KCNIP1: variants seen among roughly 807,000 people sequenced by gnomAD.
KCNIP1 encodes A-type potassium channel modulatory protein KCNIP1.
Under a neutral mutation model 33.0 loss-of-function variants are expected in KCNIP1, and 18 were observed. The ratio of observed to expected loss-of-function variants is 0.55; its 90% CI spans 0.38 to 0.81. The LOEUF (loss-of-function observed/expected upper bound fraction) is 0.81. Ranked by LOEUF, KCNIP1 falls within the 30% of genes least tolerant of loss-of-function variation. The pLI is 0.00. For synonymous variants in KCNIP1, 93 were observed against 98.3 expected (o/e 0.95, Z 0.32); for missense variants, 238 against 271.6 (o/e 0.88, Z 0.87).
chr5:170,551,417 G>A (rs548208945), intron 1 of KCNIP1, among the ~76,000 whole-genome samples: 7 of 152,318 alleles, frequency 4.6e-5, no homozygotes, highest in African/African-American at 1.4e-4. Context: ...GGCAACTGTT[G>A]CAAACGTGCA....
At chr5:170,371,961 C>A (rs1237727445) in intron 1 of KCNIP1, among the ~76,000 whole-genome samples, 1 of 152,164 alleles carries the variant, frequency 6.6e-6, no homozygotes, top group Non-Finnish European at 1.5e-5. Context: ...AACTGGGTGT[C>A]CTACAATTTA....
intron 1 of KCNIP1, among the ~76,000 whole-genome samples, chr5:170,650,469 G>T (rs1339179759): frequency 6.6e-6 from 1 of 152,082 alleles, no homozygotes; most frequent in African/African-American, 2.4e-5. Context: ...GCATTATTCT[G>T]GGACTCATTC....
chr5:170,574,260 G>A (rs1181361721), intron 1 of KCNIP1, among the ~76,000 whole-genome samples: 1 of 152,216 alleles, frequency 6.6e-6, no homozygotes, highest in African/African-American at 2.4e-5. Context: ...AATGAGTTAA[G>A]TTCCTTGGGC....
At chr5:170,644,759 T>C (rs183030055) in intron 1 of KCNIP1, among the ~76,000 whole-genome samples, 114 of 152,336 alleles carry the variant, frequency 7.5e-4, no homozygotes, top group Middle Eastern at 6.8e-3. Flanking sequence ...GGCATTTGAC[T>C]TCAAGTCACA....
At chr5:170,681,020 G>C (rs1456071075) in intron 1 of KCNIP1, 1 of 399,270 alleles carries the variant, frequency 2.5e-6, no homozygotes, top group East Asian at 3.6e-5. Flanking sequence ...TGGTTTTCTG[G>C]CTTTGAATGA....
chr5:170,635,950 T>C (rs1376975172), intron 1 of KCNIP1, among the ~76,000 whole-genome samples: 1 of 152,136 alleles, frequency 6.6e-6, no homozygotes, highest in Non-Finnish European at 1.5e-5. Flanking sequence ...TGGGTATATT[T>C]TGAAGGTCAA....
chr5:170,357,855 C>T lies in KCNIP1; in HGVS notation c.88+3891C>T, dbSNP rs1260005289. On this transcript the variant is annotated intron_variant, in intron 1 of 7. Coordinates refer to the KCNIP1 transcript ENST00000377360. The stretch of plus-strand genomic sequence containing the variant: ...GGATGACTTTAGACCACTGCTTCCC[C>T]TCTGCTCAACTTGTTTTCTTAAGGG... Among the ~76,000 whole-genome samples the T allele has an allele frequency of 3.3e-5, 5 of 152,210 alleles. No individual in the cohort carries two copies. The East Asian group carries it at 9.6e-4, about 29-fold the overall frequency.
intron 1 of KCNIP1, among the ~76,000 whole-genome samples, chr5:170,370,507 G>C (rs1763816959): frequency 6.6e-6 from 1 of 152,156 alleles, no homozygotes; most frequent in African/African-American, 2.4e-5. Context: ...AGGGCCATAA[G>C]GATAATGCCA....
chr5:170,434,630 G>A (rs1162321880), intron 1 of KCNIP1, among the ~76,000 whole-genome samples: 2 of 152,106 alleles, frequency 1.3e-5, no homozygotes, highest in Non-Finnish European at 2.9e-5. Context: ...GGGTCGGTGG[G>A]TGGGGTGAGA....
intron 1 of KCNIP1, among the ~76,000 whole-genome samples, chr5:170,552,685 G>A (rs1161398970): frequency 6.6e-6 from 1 of 152,204 alleles, no homozygotes; most frequent in African/African-American, 2.4e-5. Flanking sequence ...GGGCTAGACC[G>A]CACAGGGCCT....
intron 1 of KCNIP1, among the ~76,000 whole-genome samples, chr5:170,390,538 A>T (rs568707218): frequency 1.1e-3 from 141 of 131,250 alleles, no homozygotes; most frequent in Middle Eastern, 7.5e-3. Flanking sequence ...ATATATATAT[A>T]TTTTCAACAA....
chr5:170,719,807 T>C (rs1179664366), intron 2 of KCNIP1, among the ~76,000 whole-genome samples: 1 of 152,222 alleles, frequency 6.6e-6, no homozygotes, highest in African/African-American at 2.4e-5. Flanking sequence ...TTTCCTTCGA[T>C]GGCAGCATTA....
intron 1 of KCNIP1, among the ~76,000 whole-genome samples, chr5:170,388,351 C>G (rs562342448): frequency 6.6e-6 from 1 of 152,228 alleles, no homozygotes; most frequent in African/African-American, 2.4e-5. Flanking sequence ...AAAGGGAGAA[C>G]CTTTGGCGGG....
intron 1 of KCNIP1, among the ~76,000 whole-genome samples, chr5:170,391,233 G>A (rs924639200): frequency 3.9e-5 from 6 of 152,172 alleles, no homozygotes; most frequent in Non-Finnish European, 7.3e-5. Context: ...TTCCCTGGGG[G>A]AGAGATACAC....
intron 1 of KCNIP1, among the ~76,000 whole-genome samples, chr5:170,369,539 G>A (rs556633964): frequency 1.3e-5 from 2 of 152,272 alleles, no homozygotes; most frequent in South Asian, 2.1e-4. Context: ...TGCCTGCCCC[G>A]CTGGTATCCA....
intron 1 of KCNIP1, among the ~76,000 whole-genome samples, chr5:170,517,544 G>A (rs1426524668): frequency 1.3e-5 from 2 of 148,336 alleles, no homozygotes; most frequent in African/African-American, 5.0e-5. Context: ...TTATAGTATA[G>A]GTGATGTTGA....
intron 1 of KCNIP1, among the ~76,000 whole-genome samples, chr5:170,667,707 G>T (rs1344841533): frequency 6.6e-6 from 1 of 152,208 alleles, no homozygotes; most frequent in Non-Finnish European, 1.5e-5. Flanking sequence ...ACCTCACTAG[G>T]CACAATGTAA....
rs1754641536 is a variant in KCNIP1 at position 170,504,726 on chromosome 5, T to C, written c.61+93T>C. ...GCCACCTGCCTCCCTTAGTCCGGAC[T>C]CTCCTCTCCACGAGGAGCCCGGACA... is the stretch of plus-strand genomic sequence containing the variant. On this transcript the variant is annotated intron_variant, in intron 1 of 7. Transcript: ENST00000328939. This position sits in a 1 kb window ranked among gnomAD's most constrained non-coding sequence, Gnocchi z 6.0. 1 of 1,056,118 alleles carries C rather than the reference T, an allele frequency of 9.5e-7. No homozygotes were observed. Among genetic ancestry groups the C allele is most frequent in the South Asian group, 1.3e-5 (1 of 79,010 alleles). The allele number at this position is 1,056,118 out of a possible 1,614,324, so 65.4% of individuals were successfully genotyped here.
rs144256764 is a variant in KCNIP1 at position 170,578,234 on chromosome 5, G to C, written c.61+73601G>C. Among the ~76,000 whole-genome samples the C allele has an allele frequency of 3.0e-3, 453 of 152,316 alleles. 4 individuals are homozygous for C. The highest frequency in any genetic ancestry group is 4.4e-3 in the South Asian group (21 of 4,822). Reference sequence around the variant, plus strand: ...AGTAGACAGTAGCAGATGCTGAGGAGACTGAGAACAGTGGAAAGGCTACAC... The same window carrying C: ...AGTAGACAGTAGCAGATGCTGAGGACACTGAGAACAGTGGAAAGGCTACAC... On this transcript the variant is annotated intron_variant, in intron 1 of 7. Transcript: ENST00000328939.
Sources: allele counts gnomAD v4.1 joint callset (sites outside exome capture counted in the v4.1 genomes callset), GRCh38; gene constraint gnomAD v4.1.1; non-coding constraint Gnocchi (gnomAD v3.1); transcripts MANE v1.5; gene names NCBI Gene and HGNC (gene_info 2026-07-23, HGNC 2026-07-21).